Variants in KLHL2 observed in about 807,000 individuals in gnomAD.
KLHL2 encodes the protein kelch like family member 2.
In KLHL2, 15 loss-of-function variants were observed where a neutral mutation model predicts 75.8. The observed-to-expected ratio is 0.20, with a 90% confidence interval of 0.13 to 0.30. The LOEUF is 0.30. Ranked by LOEUF, KLHL2 falls within the 10% of genes least tolerant of loss-of-function variation. The pLI is 1.00. For synonymous variants in KLHL2, 214 were observed against 251.9 expected (o/e 0.85, Z 1.42); for missense variants, 381 against 741.0 (o/e 0.51, Z 5.64).
chr4:165,228,235 T>C (rs2111033422), intron 2 of KLHL2, among the ~76,000 whole-genome samples: 1 of 152,382 alleles, frequency 6.6e-6, no homozygotes, highest in East Asian at 1.9e-4. Flanking sequence ...TAATATTTTC[T>C]GGCCTTGAAG....
At chr4:165,273,950 C>T (rs1268234196) in intron 5 of KLHL2, among the ~76,000 whole-genome samples, 1 of 152,180 alleles carries the variant, frequency 6.6e-6, no homozygotes, top group Admixed American at 6.5e-5. Context: ...TTAAAGCACT[C>T]TATTTGTCCA....
chr4:165,279,746 G>A lies in KLHL2; in HGVS notation c.545-14613G>A, dbSNP rs557912973. On this transcript the variant is annotated intron_variant, in intron 5 of 14. Transcript: ENST00000226725. ...ACGAGTCCAAAGAGCGAGGCCGCGCGAGTCCGCTGAACTAGCCTCACTTCT... is the reference window on the plus strand; with the variant it reads ...ACGAGTCCAAAGAGCGAGGCCGCGCAAGTCCGCTGAACTAGCCTCACTTCT... 61 of 902,172 alleles carry A rather than the reference G, an allele frequency of 6.8e-5. 1 individual carries two copies. In the African/African-American group the frequency reaches 8.8e-4, roughly 13 times the overall value. 55.9% of individuals were successfully genotyped at this position (902,172 alleles called of 1,614,324 possible). A position where few individuals can be genotyped will look rare whatever the true frequency, so the allele number is the denominator to read the frequency against.
chr4:165,268,412 T>A (rs1238221074), intron 5 of KLHL2, among the ~76,000 whole-genome samples: 6 of 152,162 alleles, frequency 3.9e-5, no homozygotes, highest in Non-Finnish European at 1.5e-5. Flanking sequence ...GTTAGGGTGT[T>A]GATTTTAGAT....
intron 4 of KLHL2, among the ~76,000 whole-genome samples, chr4:165,260,134 T>C (rs995976760): frequency 1.3e-5 from 2 of 152,168 alleles, no homozygotes; most frequent in Non-Finnish European, 2.9e-5. Flanking sequence ...GCAAGCTGGG[T>C]CAATTAGTAA....
At chr4:165,314,540 A>T (rs1009364864) in intron 13 of KLHL2, among the ~76,000 whole-genome samples, 1 of 152,162 alleles carries the variant, frequency 6.6e-6, no homozygotes, top group Non-Finnish European at 1.5e-5. Flanking sequence ...TACACTGGAG[A>T]TCCTAGTTCT....
intron 1 of KLHL2, among the ~76,000 whole-genome samples, chr4:165,211,922 T>A (rs2110939610): frequency 6.6e-6 from 1 of 152,348 alleles, no homozygotes; most frequent in Admixed American, 6.5e-5. Flanking sequence ...TGTGCTTTTC[T>A]GAAGGTGACT....
At chr4:165,244,615 G>A (rs1376651331) in intron 4 of KLHL2, among the ~76,000 whole-genome samples, 1 of 151,968 alleles carries the variant, frequency 6.6e-6, no homozygotes. Flanking sequence ...ATAAGTACTC[G>A]GTCCTGGTGC....
intron 5 of KLHL2, among the ~76,000 whole-genome samples, chr4:165,276,529 T>G (rs887412425): frequency 4.6e-5 from 7 of 152,152 alleles, no homozygotes; most frequent in African/African-American, 1.4e-4. Context: ...TTTTCACTGT[T>G]TATTACAAAA....
intron 14 of KLHL2, among the ~76,000 whole-genome samples, chr4:165,318,971 A>T (rs770688482): frequency 2.0e-5 from 3 of 152,250 alleles, no homozygotes; most frequent in Non-Finnish European, 2.9e-5. Context: ...AATTTATCAA[A>T]ACATATGCAC....
intron 4 of KLHL2, among the ~76,000 whole-genome samples, chr4:165,253,067 T>C (rs1259950931): frequency 2.6e-5 from 4 of 152,252 alleles, no homozygotes; most frequent in African/African-American, 7.2e-5. Flanking sequence ...AGTCTCGCTC[T>C]GTTGCCCAGG....
intron 1 of KLHL2, among the ~76,000 whole-genome samples, chr4:165,216,484 A>C (rs1737553044): frequency 6.6e-6 from 1 of 152,210 alleles, no homozygotes; most frequent in African/African-American, 2.4e-5. Flanking sequence ...AGGTATTTTA[A>C]GGGAGACAGT....
intron 5 of KLHL2, among the ~76,000 whole-genome samples, chr4:165,268,233 A>G (rs573983740): frequency 9.2e-5 from 14 of 152,116 alleles, no homozygotes; most frequent in South Asian, 4.1e-4. Context: ...CTAGCAGTCT[A>G]TCAATTTTGT....
chr4:165,264,605 T>TATATATATATATATATATATACATAC, intron 5 of KLHL2, among the ~76,000 whole-genome samples: 1 of 124,128 alleles, frequency 8.1e-6, no homozygotes, highest in African/African-American at 3.1e-5. Context: ...TATATATATA[T>TATATATATATATATATATATACATAC]ACACACACAC....
intron 8 of KLHL2, among the ~76,000 whole-genome samples, chr4:165,305,060 A>C (rs1022340127): frequency 5.9e-5 from 9 of 152,132 alleles, no homozygotes; most frequent in African/African-American, 2.2e-4. Flanking sequence ...GGCATCAGGA[A>C]AGGTCTCTAC....
intron 5 of KLHL2, among the ~76,000 whole-genome samples, chr4:165,265,476 C>A (rs991708374): frequency 4.6e-5 from 7 of 152,006 alleles, no homozygotes; most frequent in African/African-American, 1.7e-4. Flanking sequence ...GAAGTTTTTC[C>A]TAAGTTTTCT....
intron 5 of KLHL2, among the ~76,000 whole-genome samples, chr4:165,275,234 G>A (rs1742993457): frequency 6.6e-6 from 1 of 151,976 alleles, no homozygotes; most frequent in Non-Finnish European, 1.5e-5. Context: ...TATTCAGAGA[G>A]TGCTGGTTTG....
At chr4:165,298,021 C>T (rs1025958608) in intron 7 of KLHL2, among the ~76,000 whole-genome samples, 3 of 152,176 alleles carry the variant, frequency 2.0e-5, no homozygotes, top group Non-Finnish European at 4.4e-5. Flanking sequence ...TGGGGTTTTG[C>T]CCTGTTGGCC....
chr4:165,310,491 C>T (rs911299030), intron 9 of KLHL2, 62 bp from the exon 10 acceptor site: 1 of 1,359,876 alleles, frequency 7.4e-7, no homozygotes. Flanking sequence ...AGAAAGCAAT[C>T]TTTGGATATT....
chr4:165,211,776 T>A (rs1323868951), intron 1 of KLHL2, among the ~76,000 whole-genome samples: 4 of 152,198 alleles, frequency 2.6e-5, no homozygotes, highest in Non-Finnish European at 5.9e-5. Context: ...AGAAGTGAAT[T>A]CTGGAAATAG....
Sources: allele counts gnomAD v4.1 joint callset (sites outside exome capture counted in the v4.1 genomes callset), GRCh38; gene constraint gnomAD v4.1.1; transcripts MANE v1.5; gene names NCBI Gene and HGNC (gene_info 2026-07-23, HGNC 2026-07-21).